Variants in ADARB2 observed in about 807,000 individuals in gnomAD.
The protein encoded by ADARB2 is adenosine deaminase RNA specific B2 (inactive).
In ADARB2, 25 loss-of-function variants were observed where a neutral mutation model predicts 62.2. That is an observed-to-expected ratio of 0.40 (90% CI 0.29 to 0.56). The LOEUF (loss-of-function observed/expected upper bound fraction) is 0.56. Among genes scored for constraint, ADARB2 ranks in the 20% least tolerant of loss-of-function variants. The probability of loss-of-function intolerance (pLI) is 0.43; values close to 1 mark genes in which losing one functional copy is unlikely to be tolerated. For synonymous variants in ADARB2, 572 were observed against 500.8 expected, an observed-to-expected ratio of 1.14 and a Z score of -1.90; for missense variants, 1,071 against 1,077.4, an observed-to-expected ratio of 0.99 and a Z score of 0.08.
intron 1 of ADARB2, among the ~76,000 whole-genome samples, chr10:1,663,031 A>G (rs564784836): frequency 1.3e-5 from 2 of 152,364 alleles, no homozygotes; most frequent in African/African-American, 4.8e-5. Context: ...AGTCCAGTGG[A>G]TGTGATTAGC....
intron 1 of ADARB2, among the ~76,000 whole-genome samples, chr10:1,611,895 G>T (rs1343709415): frequency 6.6e-6 from 1 of 152,166 alleles, no homozygotes. Flanking sequence ...CCCCAGATGC[G>T]TGGTGCCTGG....
chr10:1,484,251 G>C (rs1010795853), intron 1 of ADARB2, among the ~76,000 whole-genome samples: 2 of 152,202 alleles, frequency 1.3e-5, no homozygotes. Context: ...TTGAAAAGTG[G>C]TGTGCAAAAA....
At chr10:1,650,237 G>C (rs1000070146) in intron 1 of ADARB2, among the ~76,000 whole-genome samples, 2 of 152,158 alleles carry the variant, frequency 1.3e-5, no homozygotes, top group South Asian at 4.1e-4. Flanking sequence ...ATGTTTTTTG[G>C]GGGTAAGAAA....
At chr10:1,667,756 G>T (rs1012591457) in intron 1 of ADARB2, among the ~76,000 whole-genome samples, 23 of 152,142 alleles carry the variant, frequency 1.5e-4, no homozygotes, top group Non-Finnish European at 3.1e-4. Flanking sequence ...GAGGTATTTT[G>T]GGTTACTCAT....
chr10:1,259,660 A>G (rs1221355493), intron 4 of ADARB2, among the ~76,000 whole-genome samples: 1 of 152,240 alleles, frequency 6.6e-6, no homozygotes, highest in Non-Finnish European at 1.5e-5. Flanking sequence ...AATAATTAAT[A>G]GCTTACCAAC....
rs574736089 is a variant in ADARB2 at position 1,704,177 on chromosome 10, A to T, written c.100+32874T>A. ...GGGATGGCTGGTTTTGTGGAAGACA[A>T]TTTTTCCATGGACTGGGGGCTGCAG... On this transcript the variant is annotated intron_variant, in intron 1 of 9. Transcript: ENST00000381312. This position sits in a 1 kb window ranked among gnomAD's most constrained non-coding sequence, Gnocchi z 5.6. Among the ~76,000 whole-genome samples the T allele has an allele frequency of 2.0e-5, 3 of 152,204 alleles. No individual in the cohort carries two copies. The highest frequency in any genetic ancestry group is 6.5e-5 in the Admixed American group (1 of 15,294).
At chr10:1,641,451 T>G (rs1295334066) in intron 1 of ADARB2, among the ~76,000 whole-genome samples, 2 of 151,956 alleles carry the variant, frequency 1.3e-5, no homozygotes, top group Non-Finnish European at 2.9e-5. Flanking sequence ...AACCACAGCA[T>G]TTTTTGAAGG....
chr10:1,194,484 C>A (rs1013942569), intron 8 of ADARB2, among the ~76,000 whole-genome samples: 8 of 152,002 alleles, frequency 5.3e-5, no homozygotes, highest in African/African-American at 1.7e-4. Flanking sequence ...CTCTATCTGT[C>A]ATCTATCTAT....
chr10:1,259,472 C>T (rs948603956), intron 4 of ADARB2, among the ~76,000 whole-genome samples: 2 of 152,056 alleles, frequency 1.3e-5, no homozygotes, highest in East Asian at 1.9e-4. Flanking sequence ...GGGATATCAC[C>T]ACCAGTCCCA....
At chr10:1,475,946 T>C (rs1001433103) in intron 1 of ADARB2, among the ~76,000 whole-genome samples, 5 of 152,214 alleles carry the variant, frequency 3.3e-5, no homozygotes, top group Non-Finnish European at 1.5e-5. Flanking sequence ...TCACCGAGTC[T>C]AGATGGCAGT....
At chr10:1,684,726 G>T (rs767880718) in intron 1 of ADARB2, among the ~76,000 whole-genome samples, 1 of 152,192 alleles carries the variant, frequency 6.6e-6, no homozygotes, top group Admixed American at 6.5e-5. Context: ...GACAGGTCAG[G>T]TTCTGGCAAA....
chr10:1,651,176 G>A (rs79512254), intron 1 of ADARB2, among the ~76,000 whole-genome samples: 2,507 of 152,314 alleles, frequency 0.016, 66 homozygotes, highest in African/African-American at 0.052. Context: ...GACAGTTCTC[G>A]CCACAGCGTC....
chr10:1,258,134 C>T (rs1831097617), intron 4 of ADARB2, among the ~76,000 whole-genome samples: 1 of 152,110 alleles, frequency 6.6e-6, no homozygotes, highest in Admixed American at 6.6e-5. Context: ...CTCTTTCTCT[C>T]TCCCTCCCTC....
chr10:1,260,854 A>G (rs1831129539), intron 4 of ADARB2, among the ~76,000 whole-genome samples: 1 of 147,912 alleles, frequency 6.8e-6, no homozygotes, highest in Non-Finnish European at 1.5e-5. Context: ...AGTCAATCCT[A>G]AGCCAAAAGA....
At chr10:1,482,793 C>T (rs1027505752) in intron 1 of ADARB2, among the ~76,000 whole-genome samples, 2 of 151,986 alleles carry the variant, frequency 1.3e-5, no homozygotes, top group African/African-American at 4.8e-5. Flanking sequence ...CTTATGTGGA[C>T]ACTCGTGCAG....
intron 3 of ADARB2, among the ~76,000 whole-genome samples, chr10:1,293,259 AGAGGGAGGGAAG>A (rs1316735459): frequency 1.1e-4 from 13 of 113,406 alleles, no homozygotes; most frequent in African/African-American, 4.5e-4. Context: ...GGAGAGGGAC[AGAGGGAGGGAAG>A]GAGGGAGGGA....
chr10:1,498,393 A>C (rs1244854385), intron 1 of ADARB2, among the ~76,000 whole-genome samples: 1 of 151,570 alleles, frequency 6.6e-6, no homozygotes, highest in Admixed American at 6.6e-5. Context: ...TAAATAAATA[A>C]ATAAATAAAT....
At chr10:1,634,068 G>A (rs1047344069) in intron 1 of ADARB2, among the ~76,000 whole-genome samples, 1 of 152,056 alleles carries the variant, frequency 6.6e-6, no homozygotes, top group African/African-American at 2.4e-5. Flanking sequence ...TGGCTCCTGG[G>A]GCCCCTCTCC....
chr10:1,191,472 G>T (rs1285300199), intron 8 of ADARB2, among the ~76,000 whole-genome samples: 1 of 152,114 alleles, frequency 6.6e-6, no homozygotes, highest in Non-Finnish European at 1.5e-5. Flanking sequence ...TGGTGAGCAG[G>T]GTCGGGCCCC....
Sources: allele counts gnomAD v4.1 joint callset (sites outside exome capture counted in the v4.1 genomes callset), GRCh38; gene constraint gnomAD v4.1.1; non-coding constraint Gnocchi (gnomAD v3.1); transcripts MANE v1.5; gene names NCBI Gene and HGNC (gene_info 2026-07-23, HGNC 2026-07-21).